The following ADAMTS18 variants were observed in gnomAD, a reference collection of about 807,000 sequenced individuals.
The protein encoded by ADAMTS18 is A disintegrin and metalloproteinase with thrombospondin motifs 18.
Under a neutral mutation model 165.9 loss-of-function variants are expected in ADAMTS18, and 157 were observed. That is an observed-to-expected ratio of 0.95 (90% CI 0.83 to 1.08). The LOEUF (loss-of-function observed/expected upper bound fraction) is 1.08. Among genes scored for constraint, ADAMTS18 ranks in the 50% least tolerant of loss-of-function variants. The pLI is 0.00. For missense variants in ADAMTS18, 2,040 were observed against 1,534.0 expected, an observed-to-expected ratio of 1.33 and a Z score of -5.51; for synonymous variants, 782 against 578.2, an observed-to-expected ratio of 1.35 and a Z score of -5.06.
At chr16:77,392,483 G>A (rs898580888) in intron 3 of ADAMTS18, among the ~76,000 whole-genome samples, 1 of 152,078 alleles carries the variant, frequency 6.6e-6, no homozygotes, top group Non-Finnish European at 1.5e-5. Flanking sequence ...GTCCACCTCA[G>A]AGAAAACTTC....
chr16:77,361,751 G>A (rs1441680290), intron 7 of ADAMTS18, among the ~76,000 whole-genome samples: 2 of 152,164 alleles, frequency 1.3e-5, no homozygotes, highest in Non-Finnish European at 2.9e-5. Context: ...AGGCATGGTG[G>A]CAGGTGCCTG....
intron 3 of ADAMTS18, among the ~76,000 whole-genome samples, chr16:77,400,182 C>T (rs1346764346): frequency 3.3e-5 from 5 of 152,188 alleles, no homozygotes; most frequent in African/African-American, 1.2e-4. Flanking sequence ...CCTATAGGCT[C>T]CTCACATCTC....
At chr16:77,343,757 C>T (rs274538) in intron 10 of ADAMTS18, among the ~76,000 whole-genome samples, 39,348 of 152,072 alleles carry the variant, frequency 0.26, 6,438 homozygotes, top group Non-Finnish European at 0.37. Context: ...ACTTTCCGTT[C>T]TAACAGTTAA....
At chr16:77,394,839 G>T (rs924833013) in intron 3 of ADAMTS18, among the ~76,000 whole-genome samples, 1 of 152,124 alleles carries the variant, frequency 6.6e-6, no homozygotes, top group African/African-American at 2.4e-5. Context: ...TTTAGCATCC[G>T]TGTTTTTACA....
In ADAMTS18 at chr16:77,311,813, G is replaced by T. The variant is rs542598119; in HGVS notation, c.2532+8036C>A. Among the ~76,000 whole-genome samples the T allele has an allele frequency of 6.6e-5, 10 of 151,054 alleles. No homozygotes were observed. The South Asian group carries it at 2.1e-3, about 32-fold the overall frequency. The stretch of plus-strand genomic sequence containing the variant: ...AATCATACAAGTTTCCATTTAGATT[G>T]CTTTCAGATAGGTCAAATTCCTTGG... On this transcript the variant is annotated intron_variant, in intron 16 of 22. Transcript: ENST00000282849.
chr16:77,300,180 C>T (rs2055553493), intron 17 of ADAMTS18, 83 bp downstream of exon 17: 2 of 1,540,816 alleles, frequency 1.3e-6, no homozygotes, highest in African/African-American at 1.4e-5. Flanking sequence ...TTATTTAAAC[C>T]ATATTATGTT....
At chr16:77,285,271 C>A (rs1160163485) in intron 22 of ADAMTS18, among the ~76,000 whole-genome samples, 2 of 152,154 alleles carry the variant, frequency 1.3e-5, no homozygotes, top group South Asian at 2.1e-4. Flanking sequence ...CTCATGTATT[C>A]AAATGGTTCT....
intron 4 of ADAMTS18, among the ~76,000 whole-genome samples, chr16:77,366,851 T>C (rs1164772019): frequency 6.6e-6 from 1 of 152,258 alleles, no homozygotes; most frequent in Non-Finnish European, 1.5e-5. Context: ...TTTGTACATG[T>C]TGGGTTAAAT....
chr16:77,287,536 G>C (rs2055277323), intron 22 of ADAMTS18, among the ~76,000 whole-genome samples: 1 of 152,032 alleles, frequency 6.6e-6, no homozygotes, highest in African/African-American at 2.4e-5. Flanking sequence ...GGAGTGCAGT[G>C]GTGCAATCTC....
At chr16:77,350,662 T>C (rs890608888) in intron 10 of ADAMTS18, among the ~76,000 whole-genome samples, 7 of 152,274 alleles carry the variant, frequency 4.6e-5, no homozygotes, top group Admixed American at 1.3e-4. Flanking sequence ...ACGTTCAAAA[T>C]TGAAGACTGT....
intron 3 of ADAMTS18, among the ~76,000 whole-genome samples, chr16:77,419,726 G>A (rs1054859161): frequency 2.6e-5 from 4 of 152,174 alleles, no homozygotes; most frequent in Admixed American, 6.5e-5. Flanking sequence ...AGCTGACCTC[G>A]CCAGGTGCGG....
intron 7 of ADAMTS18, among the ~76,000 whole-genome samples, chr16:77,361,557 C>G (rs1173486253): frequency 6.6e-6 from 1 of 152,136 alleles, no homozygotes; most frequent in Non-Finnish European, 1.5e-5. Context: ...AATAATGTAT[C>G]TCACACCTCA....
In ADAMTS18 at chr16:77,355,765, A is replaced by G. The variant is rs189254376; in HGVS notation, c.1460+175T>C. On this transcript the variant is annotated intron_variant, in intron 9 of 22. Coordinates refer to ENST00000282849, the MANE Select transcript of ADAMTS18 (RefSeq NM_199355.4). Reference sequence around the variant, plus strand: ...AACATTTAGCACAACATTAGGCTTCAATCTATTTTTTTCAACAATGTCATC... The same window carrying G: ...AACATTTAGCACAACATTAGGCTTCGATCTATTTTTTTCAACAATGTCATC... 3.9e-5 allele frequency among the ~76,000 whole-genome samples: 6 copies of G among 152,300 alleles called. No homozygotes were observed. The East Asian group carries it at 1.2e-3, about 29-fold the overall frequency.
At chr16:77,417,754 T>C (rs959350293) in intron 3 of ADAMTS18, among the ~76,000 whole-genome samples, 9 of 152,294 alleles carry the variant, frequency 5.9e-5, no homozygotes, top group African/African-American at 1.7e-4. Context: ...ATAATAATCA[T>C]CATCATAATA....
At chr16:77,341,611 C>G (rs1181011534) in intron 11 of ADAMTS18, 93 bp downstream of exon 11, 4 of 998,650 alleles carry the variant, frequency 4.0e-6, no homozygotes, top group Non-Finnish European at 6.2e-6. Context: ...TATAAACTAC[C>G]AAAGCATTCA....
chr16:77,341,784 G>T lies in ADAMTS18; in HGVS notation c.1630C>A (p.Leu544Ile). The T allele has an allele frequency of 6.2e-7, 1 of 1,612,344 alleles. No homozygotes were observed. The highest frequency in any genetic ancestry group is 8.5e-7 in the Non-Finnish European group (1 of 1,179,258). The change falls in exon 11 of 23, where the codon CTT (leucine) becomes ATT (isoleucine). Residue 544 changes from leucine to isoleucine, a missense_variant. Coordinates refer to ENST00000282849, the MANE Select transcript of ADAMTS18 (RefSeq NM_199355.4). ...LGFVKDICKS[L>I]WCHRVGHRCE... ...CTGTGGCCTACTCGGTGGCACCAAA[G>T]TGATTTGCAAATATCCTGAAATAAA...
At chr16:77,372,887 T>C (rs557577536) in intron 3 of ADAMTS18, among the ~76,000 whole-genome samples, 2 of 152,304 alleles carry the variant, frequency 1.3e-5, no homozygotes, top group Admixed American at 6.5e-5. Context: ...CCAGCACTAA[T>C]CAACTTCTTC....
At chr16:77,315,183 A>C (rs529903857) in intron 16 of ADAMTS18, among the ~76,000 whole-genome samples, 1 of 152,262 alleles carries the variant, frequency 6.6e-6, no homozygotes, top group East Asian at 1.9e-4. Flanking sequence ...ATCATCTACT[A>C]ATAGTCCTTT....
Position 77,314,625 on chromosome 16 carries a change from A to ATGTGTG in ADAMTS18, c.2532+5218_2532+5223dup, listed in dbSNP as rs199832008. Reference sequence around the variant, plus strand: ...AAAACTCTGTCTCAAAAAAAAAAAAATGTGTGTGTATGTGTGTGTGTGTGT... The same window carrying ATGTGTG: ...AAAACTCTGTCTCAAAAAAAAAAAAATGTGTGTGTGTGTGTATGTGTGTGTGTGTGT... On this transcript the variant is annotated intron_variant, in intron 16 of 22. Coordinates refer to ENST00000282849, the MANE Select transcript of ADAMTS18 (RefSeq NM_199355.4). 2.0e-3 allele frequency among the ~76,000 whole-genome samples: 263 copies of ATGTGTG among 132,564 alleles called. 3 individuals are homozygous for ATGTGTG. In the East Asian group the frequency reaches 0.024, roughly 12 times the overall value. The allele number at this position is 132,564 out of a possible 152,430, so 87.0% of individuals were successfully genotyped here. A position where few individuals can be genotyped will look rare whatever the true frequency, so the allele number is the denominator to read the frequency against.
Sources: gnomAD v4.1 joint callset for allele counts (sites outside exome capture counted in the v4.1 genomes callset) on GRCh38, gnomAD v4.1.1 for gene constraint, MANE v1.5 for transcripts, NCBI Gene and HGNC (gene_info 2026-07-23, HGNC 2026-07-21) for gene names.